The following RASL10A variants were observed in gnomAD, a reference collection of about 807,000 sequenced individuals.
The protein encoded by RASL10A is RAS like family 10 member A, also known as ras-like protein family member 10A.
Under a neutral mutation model 17.3 loss-of-function variants are expected in RASL10A, and 13 were observed. The ratio of observed to expected loss-of-function variants is 0.75; its 90% CI spans 0.49 to 1.20. The LOEUF (loss-of-function observed/expected upper bound fraction) is 1.20, where lower values mean the gene tolerates loss of function less well. Among genes scored for constraint, RASL10A ranks in the 50% most tolerant of loss-of-function variants. RASL10A has a pLI of 0.00. For missense variants in RASL10A, 307 were observed against 310.3 expected (o/e 0.99, Z 0.08); for synonymous variants, 159 against 142.2 (o/e 1.12, Z -0.84).
intron 1 of RASL10A, 159 bp from the exon 2 acceptor site, chr22:29,314,146 C>A (rs2061438823): frequency 4.0e-6 from 4 of 999,270 alleles, no homozygotes; most frequent in Non-Finnish European, 5.7e-6. Flanking sequence ...CTCATGACCA[C>A]CAGGGTAAAA....
In RASL10A at chr22:29,313,565, C is replaced by T. The variant is rs748143641; in HGVS notation, c.348G>A (p.Pro116=). The change falls in exon 3 of 3, where the codon CCG becomes CCA. Residue 116 remains proline, a synonymous_variant. Transcript: ENST00000216101. The part of the protein sequence containing the change: ...ALRQRIAETR[P]AGAPEAPILV... ...GGATGGGCGCTTCGGGCGCGCCCGC[C>T]GGCCTGGGGGCCGAATGGAGATGAG... is the stretch of plus-strand genomic sequence containing the variant. 2.0e-6 allele frequency: 3 copies of T among 1,533,780 alleles called. No individual in the cohort carries two copies. Among genetic ancestry groups the T allele is most frequent in the South Asian group, 2.5e-5 (2 of 80,744 alleles).
rs1277400170 is a variant in RASL10A, at chr22:29,312,999, C to CA, written c.*301dup. On this transcript the variant is annotated 3_prime_UTR_variant, in exon 3 of 3. Transcript: ENST00000216101. ...ATAAAGAATATGTCCAGTGAAGCTC[C>CA]AGGAGCAGGCTGCGTGTTTCCAGTC... 1 of 392,060 alleles carries CA rather than the reference C, an allele frequency of 2.6e-6. No individual in the cohort carries two copies. Among genetic ancestry groups the CA allele is most frequent in the Non-Finnish European group, 4.5e-6 (1 of 222,490 alleles). The allele number at this position is 392,060 out of a possible 1,614,324, so 24.3% of individuals were successfully genotyped here.
At chr22:29,318,853 GT>G (rs1244704384), upstream of RASL10A, among the ~76,000 whole-genome samples, 2 of 152,224 alleles carry the variant, frequency 1.3e-5, no homozygotes, top group East Asian at 1.9e-4. Context: ...AGTGGCCAAG[GT>G]GGTCCTGCCT....
At position 29,313,915 on chromosome 22, in the gene RASL10A, G is replaced by A. The variant is rs371608240; in HGVS notation, c.292C>T (p.Pro98Ser). ...AFVLVYDICS[P>S]DSFDYVKALR... ...GCCTTCACGTAGTCGAAACTGTCCG[G>A]GCTGCAGATGTCGTAGACGAGCACG... Residue 98 changes from proline to serine, a missense_variant, in exon 2 of 3, where the codon CCG (proline) becomes TCG (serine). Physicochemically the swap from Pro to Ser is moderately conservative, Grantham distance 74 (BLOSUM62 -1). Transcript: ENST00000216101. 37 of 1,614,004 alleles carry A rather than the reference G, an allele frequency of 2.3e-5. No homozygotes were observed. The African/African-American group carries it at 4.0e-4, about 17-fold the overall frequency.
At chr22:29,313,741 T>C (rs549652022) in intron 2 of RASL10A, 122 bp downstream of exon 2, 1 of 1,485,178 alleles carries the variant, frequency 6.7e-7, no homozygotes, top group Non-Finnish European at 9.0e-7. Context: ...GCTTAAGACC[T>C]TCCCACGGGC....
At position 29,313,552 on chromosome 22, in the gene RASL10A, C is replaced by T. The variant is rs1220391318; in HGVS notation, c.361G>A (p.Glu121Lys). ...IAETRPAGAP[E>K]APILVVGNKR... Reference sequence around the variant, plus strand: ...TTGCCTACCACGAGGATGGGCGCTTCGGGCGCGCCCGCCGGCCTGGGGGCC... The same window carrying T: ...TTGCCTACCACGAGGATGGGCGCTTTGGGCGCGCCCGCCGGCCTGGGGGCC... Residue 121 changes from glutamate (E) to lysine (K), a missense_variant, in exon 3 of 3, where the codon GAA (glutamate) becomes AAA (lysine). Coordinates refer to ENST00000216101, the MANE Select transcript of RASL10A (RefSeq NM_006477.5). 2 of 1,527,942 alleles carry T rather than the reference C, an allele frequency of 1.3e-6. No homozygotes were observed. The highest frequency in any genetic ancestry group is 1.3e-5 in the South Asian group (1 of 79,922). 94.6% of individuals were successfully genotyped at this position (1,527,942 alleles called of 1,614,324 possible).
chr22:29,313,414 C>A lies in RASL10A; in HGVS notation c.499G>T (p.Val167Leu). The A allele has an allele frequency of 6.5e-7, 1 of 1,541,864 alleles. No individual in the cohort carries two copies. Reference protein sequence around the residue: ...LECSAKYNWHVLRLFRELLRC... With the variant: ...LECSAKYNWHLLRLFRELLRC... ...AGCAGCTCGCGGAAGAGACGCAGCA[C>A]GTGCCAGTTGTACTTGGCGGAGCAC... Residue 167 changes from valine (V) to leucine (L), a missense_variant, in exon 3 of 3, where the codon GTG becomes TTG. Val to Leu is a conservative substitution (Grantham distance 32). Coordinates refer to ENST00000216101, the MANE Select transcript of RASL10A (RefSeq NM_006477.5).
rs773381698 is a variant in RASL10A, at chr22:29,314,007, G to A, written c.220-20C>T. On this transcript the variant is annotated intron_variant, in intron 1 of 2. Coordinates refer to ENST00000216101, the MANE Select transcript of RASL10A (RefSeq NM_006477.5). ...CCACTCCTGGGGACAGGAGGCCAGG[G>A]TTTGCGGAAGCCTCCTTTCCACTCT... The A allele has an allele frequency of 1.6e-5, 25 of 1,610,942 alleles. No individual in the cohort carries two copies. Among genetic ancestry groups the A allele is most frequent in the Non-Finnish European group, 1.9e-5 (23 of 1,179,890 alleles).
intron 1 of RASL10A, 42 bp from the exon 2 acceptor site, chr22:29,314,029 C>T (rs1261904146): frequency 1.2e-6 from 2 of 1,605,584 alleles, no homozygotes; most frequent in Non-Finnish European, 1.7e-6. Context: ...CTCCTTTCCA[C>T]TCTTCCGCTC....
Position 29,313,274 on chromosome 22 carries a change from G to T in RASL10A, c.*27C>A, listed in dbSNP as rs879052235. ...CTGATTGTCCCAGTCACAAGGTGGG[G>T]CCCATGGATGGCACTGTCCGATCGG... On this transcript the variant is annotated 3_prime_UTR_variant, in exon 3 of 3. Coordinates refer to ENST00000216101, the MANE Select transcript of RASL10A (RefSeq NM_006477.5). 7.5e-6 allele frequency: 11 copies of T among 1,461,342 alleles called. No homozygotes were observed. The South Asian group carries it at 1.4e-4, about 18-fold the overall frequency. The allele number at this position is 1,461,342 out of a possible 1,614,324, so 90.5% of individuals were successfully genotyped here.
At position 29,315,430 on chromosome 22, in the gene RASL10A, G is replaced by A; in HGVS notation, c.-184C>T. The A allele has an allele frequency of 3.1e-6, 1 of 322,034 alleles. No individual in the cohort carries two copies. The highest frequency in any genetic ancestry group is 1.5e-4 in the South Asian group (1 of 6,588). 19.9% of individuals were successfully genotyped at this position (322,034 alleles called of 1,614,324 possible). A position where few individuals can be genotyped will look rare whatever the true frequency, so the allele number is the denominator to read the frequency against. ...CCCGAGGCAGGAGCTGGCGGCGGGAGGGCAGACAGACAGCCGAGTGGGCAG... is the reference window on the plus strand; with the variant it reads ...CCCGAGGCAGGAGCTGGCGGCGGGAAGGCAGACAGACAGCCGAGTGGGCAG... On this transcript the variant is annotated 5_prime_UTR_variant, in exon 1 of 3. Transcript: ENST00000216101. This position sits in a 1 kb window ranked among gnomAD's most constrained non-coding sequence, Gnocchi z 5.5.
upstream of RASL10A, among the ~76,000 whole-genome samples, chr22:29,318,884 A>G (rs551075741): frequency 5.9e-5 from 9 of 152,326 alleles, no homozygotes; most frequent in African/African-American, 2.2e-4. Context: ...GGCAGGGAGA[A>G]AGAGACAGAC....
Position 29,313,916 on chromosome 22 carries a change from G to A in RASL10A, c.291C>T (p.Ser97=), listed in dbSNP as rs1205128213. Residue 97 remains serine, a synonymous_variant, in exon 2 of 3, where the codon AGC becomes AGT. Coordinates refer to ENST00000216101, the MANE Select transcript of RASL10A (RefSeq NM_006477.5). Reference sequence around the variant, plus strand: ...CCTTCACGTAGTCGAAACTGTCCGGGCTGCAGATGTCGTAGACGAGCACGA... The same window carrying A: ...CCTTCACGTAGTCGAAACTGTCCGGACTGCAGATGTCGTAGACGAGCACGA... ...DAFVLVYDIC[S]PDSFDYVKAL... 6.2e-7 allele frequency: 1 copy of A among 1,613,874 alleles called. No homozygotes were observed. Among genetic ancestry groups the A allele is most frequent in the East Asian group, 2.2e-5 (1 of 44,892 alleles).
intron 2 of RASL10A, 41 bp from the exon 3 acceptor site, chr22:29,313,609 G>A (rs1182021961): frequency 6.7e-7 from 1 of 1,492,810 alleles, no homozygotes; most frequent in Admixed American, 2.3e-5. Context: ...GGACCCCACG[G>A]CCGGAGAATT....
At position 29,313,363 on chromosome 22, in the gene RASL10A, GGC is replaced by G. The variant is rs1280985612; in HGVS notation, c.548_549del (p.Arg183ProfsTer77). On this transcript the variant is annotated frameshift_variant, in exon 3 of 3. Coordinates refer to ENST00000216101, the MANE Select transcript of RASL10A (RefSeq NM_006477.5). LOFTEE classifies it high-confidence loss of function. ...ELLRCALVRA[R>X]PAHPALRLQG... ...TGCAGGCGCAGGGCCGGGTGTGCAG[GGC>G]GCGCGCGCACCAGAGCGCAGCGCAG... The G allele has an allele frequency of 1.3e-6, 2 of 1,543,500 alleles. No homozygotes were observed. Among genetic ancestry groups the G allele is most frequent in the East Asian group, 2.5e-5 (1 of 40,766 alleles).
chr22:29,318,552 G>T (rs1774931026), upstream of RASL10A, among the ~76,000 whole-genome samples: 1 of 152,216 alleles, frequency 6.6e-6, no homozygotes, highest in Admixed American at 6.5e-5. Context: ...GGGCTGAAAT[G>T]AGCTCTAATG....
rs2061444570 is a variant in RASL10A at position 29,315,032 on chromosome 22, G to C, written c.215C>G (p.Pro72Arg). The C allele has an allele frequency of 2.0e-6, 3 of 1,505,382 alleles. No individual in the cohort carries two copies. The highest frequency in any genetic ancestry group is 2.7e-6 in the Non-Finnish European group (3 of 1,131,714). The allele number at this position is 1,505,382 out of a possible 1,614,324, so 93.3% of individuals were successfully genotyped here. Residue 72 changes from proline to arginine, a missense_variant, in exon 1 of 3, where the codon CCG becomes CGG. Coordinates refer to ENST00000216101, the MANE Select transcript of RASL10A (RefSeq NM_006477.5). The surrounding 1 kb of genome is among the most constrained non-coding windows in gnomAD (Gnocchi z 5.5). The part of the protein sequence containing the change: ...VAGPGSSPGG[P>R]EEWPDAKDWS... ...GCCCGCTCCTCGAGCCGCTACCTCC[G>C]GACCCCCGGGGCTCGAGCCGGGGCC...
rs1362980395 is a variant in RASL10A at position 29,313,001 on chromosome 22, G to C, written c.*300C>G. On this transcript the variant is annotated 3_prime_UTR_variant, in exon 3 of 3. Coordinates refer to ENST00000216101, the MANE Select transcript of RASL10A (RefSeq NM_006477.5). ...AAAGAATATGTCCAGTGAAGCTCCA[G>C]GAGCAGGCTGCGTGTTTCCAGTCAA... 3 of 394,842 alleles carry C rather than the reference G, an allele frequency of 7.6e-6. No homozygotes were observed. In the South Asian group the frequency reaches 3.2e-4, roughly 41 times the overall value. 24.5% of individuals were successfully genotyped at this position (394,842 alleles called of 1,614,324 possible).
At chr22:29,317,523 G>A (rs1288815943), upstream of RASL10A, among the ~76,000 whole-genome samples, 2 of 152,144 alleles carry the variant, frequency 1.3e-5, no homozygotes, top group Non-Finnish European at 2.9e-5. Context: ...ACAGGCGTGA[G>A]CCACCACATC....
Sources: allele counts gnomAD v4.1 joint callset (sites outside exome capture counted in the v4.1 genomes callset), GRCh38; gene constraint gnomAD v4.1.1; non-coding constraint Gnocchi (gnomAD v3.1); transcripts MANE v1.5; gene names NCBI Gene and HGNC (gene_info 2026-07-23, HGNC 2026-07-21).